CACNA1C: variants seen among roughly 807,000 people sequenced by gnomAD.
The protein encoded by CACNA1C is calcium voltage-gated channel subunit alpha1 C.
In CACNA1C, 30 loss-of-function variants were observed where a neutral mutation model predicts 229.0. The ratio of observed to expected loss-of-function variants is 0.13; its 90% CI spans 0.10 to 0.18. The LOEUF (loss-of-function observed/expected upper bound fraction) is 0.18, where lower values mean the gene tolerates loss of function less well. Among genes scored for constraint, CACNA1C ranks in the 10% least tolerant of loss-of-function variants. The pLI is 1.00. For synonymous variants in CACNA1C, 1,114 were observed against 1,132.5 expected, an observed-to-expected ratio of 0.98 and a Z score of 0.33; for missense variants, 1,658 against 2,845.0, an observed-to-expected ratio of 0.58 and a Z score of 9.49.
At chr12:2,634,664 C>G (rs1402618924) in intron 30 of CACNA1C, among the ~76,000 whole-genome samples, 1 of 151,910 alleles carries the variant, frequency 6.6e-6, no homozygotes, top group East Asian at 1.9e-4. Context: ...ATGACTCACA[C>G]TGTATCGGAG....
At chr12:2,229,489 C>T (rs2064056649) in intron 3 of CACNA1C, among the ~76,000 whole-genome samples, 1 of 152,066 alleles carries the variant, frequency 6.6e-6, no homozygotes, top group African/African-American at 2.4e-5. Flanking sequence ...AATCCCTGCC[C>T]ACGGGGAGCT....
intron 1 of CACNA1C, among the ~76,000 whole-genome samples, chr12:2,021,254 CT>C (rs2046393494): frequency 6.6e-6 from 1 of 152,130 alleles, no homozygotes; most frequent in Admixed American, 6.5e-5. Context: ...GCTTAAATAA[CT>C]TGCTCAGGGT....
At chr12:2,223,935 A>G (rs528855397) in intron 3 of CACNA1C, among the ~76,000 whole-genome samples, 2 of 152,354 alleles carry the variant, frequency 1.3e-5, no homozygotes, top group East Asian at 1.9e-4. Context: ...CATAACCCCA[A>G]TCAGATTATG....
At chr12:2,153,635 G>A (rs546097010) in intron 3 of CACNA1C, among the ~76,000 whole-genome samples, 33 of 152,294 alleles carry the variant, frequency 2.2e-4, no homozygotes, top group African/African-American at 7.2e-4. Context: ...TCCCTTGCTG[G>A]TAGGAAGGAC....
rs913185822 is a variant in CACNA1C, at chr12:1,996,646, A to C, written c.139+25445A>C. ...AAAAAAAAAAAAAAAAAAAAAAAAA[A>C]AAAAAAAAACAACAAACTCTTCTAA... On this transcript the variant is annotated intron_variant, in intron 1 of 46. Coordinates refer to the CACNA1C transcript ENST00000682462. Among the ~76,000 whole-genome samples the C allele has an allele frequency of 2.5e-3, 146 of 57,460 alleles. 2 individuals are homozygous for C. Among genetic ancestry groups the C allele is most frequent in the African/African-American group, 0.011 (132 of 11,650 alleles). 37.7% of individuals were successfully genotyped at this position (57,460 alleles called of 152,430 possible). A position where few individuals can be genotyped will look rare whatever the true frequency, so the allele number is the denominator to read the frequency against.
chr12:2,420,803 T>A lies in CACNA1C; in HGVS notation c.478-28173T>A, dbSNP rs141705110. ...GCGCCTTGCATTGCTCTCACCTGGCTTCCATATCTGGAGGAACATACCTAT... is the reference window on the plus strand; with the variant it reads ...GCGCCTTGCATTGCTCTCACCTGGCATCCATATCTGGAGGAACATACCTAT... On this transcript the variant is annotated intron_variant, in intron 3 of 46. Coordinates refer to ENST00000399655, the MANE Select transcript of CACNA1C (RefSeq NM_000719.7). Among the ~76,000 whole-genome samples the A allele has an allele frequency of 1.2e-3, 177 of 152,316 alleles. 3 individuals are homozygous for A. Among genetic ancestry groups the A allele is most frequent in the Middle Eastern group, 3.4e-3 (1 of 294 alleles).
At chr12:2,668,761 C>G in intron 37 of CACNA1C, 172 bp from the exon 38 acceptor site, 2 of 605,568 alleles carry the variant, frequency 3.3e-6, no homozygotes, top group South Asian at 1.9e-5. Flanking sequence ...AGAAATCCAC[C>G]CCATGATGCA....
intron 9 of CACNA1C, among the ~76,000 whole-genome samples, chr12:2,527,626 C>A (rs1280172563): frequency 2.0e-5 from 3 of 152,198 alleles, no homozygotes; most frequent in Non-Finnish European, 4.4e-5. Context: ...AAATTAAGGA[C>A]TCCTTTCTTG....
Position 2,339,258 on chromosome 12 carries a change from G to C in CACNA1C, c.478-109718G>C, listed in dbSNP as rs148286585. On this transcript the variant is annotated intron_variant, in intron 3 of 46. Transcript: ENST00000399655. Reference sequence around the variant, plus strand: ...ACAATGCTAAACATATCTAAACATAGAAAAGGTACAAAGTACAGTATAAAA... The same window carrying C: ...ACAATGCTAAACATATCTAAACATACAAAAGGTACAAAGTACAGTATAAAA... Among the ~76,000 whole-genome samples the C allele has an allele frequency of 4.6e-5, 7 of 152,302 alleles. No homozygotes were observed. The East Asian group carries it at 1.3e-3, about 29-fold the overall frequency.
At position 2,324,108 on chromosome 12, in the gene CACNA1C, A is replaced by G. The variant is rs576115183; in HGVS notation, c.478-124868A>G. ...AACCCAAATGTCCAGAGAATTGTCAATCCTTCCCTTCAAGTCTAAAAATAG... is the reference window on the plus strand; with the variant it reads ...AACCCAAATGTCCAGAGAATTGTCAGTCCTTCCCTTCAAGTCTAAAAATAG... On this transcript the variant is annotated intron_variant, in intron 3 of 46. Transcript: ENST00000399655. Among the ~76,000 whole-genome samples, 66 of 152,260 alleles carry G rather than the reference A, an allele frequency of 4.3e-4. 2 individuals carry two copies. The South Asian group carries it at 0.012, about 28-fold the overall frequency.
chr12:2,124,444 A>G (rs1460120904), intron 3 of CACNA1C, among the ~76,000 whole-genome samples: 1 of 152,070 alleles, frequency 6.6e-6, no homozygotes, highest in East Asian at 1.9e-4. Flanking sequence ...GGACCAGAGG[A>G]AGGGGTGCTG....
intron 3 of CACNA1C, among the ~76,000 whole-genome samples, chr12:2,279,785 A>G: frequency 6.6e-6 from 1 of 152,256 alleles, no homozygotes; most frequent in East Asian, 1.9e-4. Flanking sequence ...TTTACATAGC[A>G]TTTATATTGT....
chr12:2,145,093 A>G (rs966439574), intron 3 of CACNA1C, among the ~76,000 whole-genome samples: 7 of 151,376 alleles, frequency 4.6e-5, no homozygotes, highest in Admixed American at 6.6e-5. Context: ...AGGCTGTTTT[A>G]ACTGTTGGTG....
Position 2,646,781 on chromosome 12 carries a change from AGAGAGAGAGT to A in CACNA1C, c.3913-1692_3913-1683del, listed in dbSNP as rs1209061500. 6.7e-4 allele frequency among the ~76,000 whole-genome samples: 99 copies of A among 148,444 alleles called. 1 individual carries two copies. In the East Asian group the frequency reaches 0.011, roughly 16 times the overall value. ...GAGAGAGAGAGAAAGAGAGAGAGAG[AGAGAGAGAGT>A]GTGTGTGTGCGCGTGTGTGTGTCTG... On this transcript the variant is annotated intron_variant, in intron 30 of 46. Coordinates refer to ENST00000399655, the MANE Select transcript of CACNA1C (RefSeq NM_000719.7). This position sits in a 1 kb window ranked among gnomAD's most constrained non-coding sequence, Gnocchi z 4.6.
intron 3 of CACNA1C, among the ~76,000 whole-genome samples, chr12:2,175,238 G>A (rs778192215): frequency 7.2e-5 from 11 of 152,080 alleles, no homozygotes; most frequent in African/African-American, 2.7e-4. Flanking sequence ...TATCTTTGCC[G>A]GTTGGTTTGA....
At chr12:1,992,874 A>G (rs1230488287) in intron 1 of CACNA1C, 4 of 455,302 alleles carry the variant, frequency 8.8e-6, no homozygotes, top group Non-Finnish European at 1.6e-5. Flanking sequence ...AAAGTGATAC[A>G]TAAAGAAAAA....
intron 1 of CACNA1C, among the ~76,000 whole-genome samples, chr12:2,056,796 T>G (rs2055122803): frequency 6.6e-6 from 1 of 152,188 alleles, no homozygotes. Flanking sequence ...TCAGGCACTT[T>G]TTAGTGTTTT....
At chr12:2,483,540 ATAAT>A (rs1203790911) in intron 5 of CACNA1C, among the ~76,000 whole-genome samples, 1 of 152,190 alleles carries the variant, frequency 6.6e-6, no homozygotes, top group Non-Finnish European at 1.5e-5. Flanking sequence ...CAATTTCTCT[ATAAT>A]AAGTATTTTC....
intron 11 of CACNA1C, among the ~76,000 whole-genome samples, chr12:2,558,507 C>T (rs550529642): frequency 2.0e-5 from 3 of 152,346 alleles, no homozygotes; most frequent in Non-Finnish European, 4.4e-5. Flanking sequence ...AGGTCCCTCA[C>T]ACTCCGTGAA....
Sources: allele counts gnomAD v4.1 joint callset (sites outside exome capture counted in the v4.1 genomes callset), GRCh38; gene constraint gnomAD v4.1.1; non-coding constraint Gnocchi (gnomAD v3.1); transcripts MANE v1.5; gene names NCBI Gene and HGNC (gene_info 2026-07-23, HGNC 2026-07-21).